The following CRACR2A variants were observed in gnomAD, a reference collection of about 807,000 sequenced individuals.
CRACR2A encodes calcium release activated channel regulator 2A, also known as EF-hand calcium-binding domain-containing protein 4B.
A neutral mutation model predicts 90.5 loss-of-function variants in CRACR2A; 79 were observed. The ratio of observed to expected loss-of-function variants is 0.87; its 90% CI spans 0.73 to 1.05. CRACR2A has a LOEUF of 1.05. Among genes scored for constraint, CRACR2A ranks in the 50% least tolerant of loss-of-function variants. CRACR2A has a pLI of 0.00. For synonymous variants in CRACR2A, 338 were observed against 356.7 expected (o/e 0.95, Z 0.59); for missense variants, 823 against 897.2 (o/e 0.92, Z 1.06).
intron 7 of CRACR2A, among the ~76,000 whole-genome samples, chr12:3,668,606 T>C (rs1414719120): frequency 1.3e-5 from 2 of 152,172 alleles, no homozygotes; most frequent in East Asian, 1.9e-4. Flanking sequence ...GCCAGTGACA[T>C]GATGACATCT....
rs1945290204 is a variant in CRACR2A, at chr12:3,673,572, A to G, written c.545T>C (p.Leu182Pro). 6.2e-7 allele frequency: 1 copy of G among 1,613,564 alleles called. No individual in the cohort carries two copies. The highest frequency in any genetic ancestry group is 8.5e-7 in the Non-Finnish European group (1 of 1,179,990). ...TTCCTCCTTCTTCAGCTGCAACCAG[A>G]GCTGCTTGACATCACTTTCACTGCA... Reference protein sequence around the residue: ...VLEDESDVKQLWLQLKKEEPH... With the variant: ...VLEDESDVKQPWLQLKKEEPH... Residue 182 changes from leucine (L) to proline (P), a missense_variant, in exon 7 of 20, where the codon CTC becomes CCC. Physicochemically the swap from Leu to Pro is moderately conservative, Grantham distance 98. Transcript: ENST00000440314.
intron 15 of CRACR2A, among the ~76,000 whole-genome samples, chr12:3,632,522 C>T (rs146161685): frequency 3.7e-4 from 57 of 152,302 alleles, no homozygotes; most frequent in African/African-American, 1.3e-3. Context: ...TCTGCACCAA[C>T]CTCTGCCCAC....
chr12:3,681,605 C>T (rs1945453929), intron 4 of CRACR2A, among the ~76,000 whole-genome samples: 1 of 152,244 alleles, frequency 6.6e-6, no homozygotes. Context: ...CGATCCTCTC[C>T]CTTCCTCCCA....
Position 3,643,396 on chromosome 12 carries a change from T to C in CRACR2A, c.1164+1199A>G, listed in dbSNP as rs543482291. Among the ~76,000 whole-genome samples, 20 of 152,270 alleles carry C rather than the reference T, an allele frequency of 1.3e-4. No homozygotes were observed. In the South Asian group the frequency reaches 3.9e-3, roughly 30 times the overall value. ...TCCAAGAATCTTTCTCAAAGATTCC[T>C]GTTGTATGGAGGGGGGATGGGAATT... On this transcript the variant is annotated intron_variant, in intron 12 of 19. Coordinates refer to ENST00000440314, the MANE Select transcript of CRACR2A (RefSeq NM_001144958.2).
At chr12:3,636,953 G>C (rs1944464700) in intron 14 of CRACR2A, among the ~76,000 whole-genome samples, 1 of 152,234 alleles carries the variant, frequency 6.6e-6, no homozygotes, top group African/African-American at 2.4e-5. Context: ...GCAGGGCGGA[G>C]CCTCTTTCAC....
rs1302357105 is a variant in CRACR2A at position 3,644,756 on chromosome 12, G to C, written c.1119-116C>G. The C allele has an allele frequency of 4.5e-6, 4 of 890,000 alleles. No individual in the cohort carries two copies. The African/African-American group carries it at 6.6e-5, about 15-fold the overall frequency. The allele number at this position is 890,000 out of a possible 1,614,324, so 55.1% of individuals were successfully genotyped here. A position where few individuals can be genotyped will look rare whatever the true frequency, so the allele number is the denominator to read the frequency against. Reference sequence around the variant, plus strand: ...GGAAGGTGTGGTATGGAAGACAGGGGAGTCTGTGGAATCTCCTTCCATAGG... The same window carrying C: ...GGAAGGTGTGGTATGGAAGACAGGGCAGTCTGTGGAATCTCCTTCCATAGG... On this transcript the variant is annotated intron_variant, in intron 11 of 19. Transcript: ENST00000440314.
rs1324384758 is a variant in CRACR2A, at chr12:3,660,864, ACACACACACACACACACACACAC to A, written c.672-1233_672-1211del. Among the ~76,000 whole-genome samples, 7 of 146,544 alleles carry A rather than the reference ACACACACACACACACACACACAC, an allele frequency of 4.8e-5. No homozygotes were observed. In the East Asian group the frequency reaches 1.7e-3, roughly 35 times the overall value. On this transcript the variant is annotated intron_variant, in intron 7 of 19. Coordinates refer to ENST00000440314, the MANE Select transcript of CRACR2A (RefSeq NM_001144958.2). ...CACACACACACACACACACACACAC[ACACACACACACACACACACACAC>A]AATTTTGGCCCCTGCCATTCTAACT...
intron 1 of CRACR2A, among the ~76,000 whole-genome samples, chr12:3,743,194 G>A (rs1808285): frequency 0.2 from 29,964 of 152,162 alleles, 3,477 homozygotes; most frequent in Admixed American, 0.28. Context: ...AGTTTGCGAT[G>A]TGTGACTACG....
intron 6 of CRACR2A, among the ~76,000 whole-genome samples, chr12:3,674,187 C>T (rs1945302363): frequency 4.6e-5 from 7 of 152,222 alleles, no homozygotes; most frequent in Admixed American, 4.6e-4. Flanking sequence ...GCAATTGTCA[C>T]TGCAGGAAGG....
At chr12:3,670,897 A>C (rs1945228336) in intron 7 of CRACR2A, among the ~76,000 whole-genome samples, 1 of 152,174 alleles carries the variant, frequency 6.6e-6, no homozygotes, top group Admixed American at 6.5e-5. Flanking sequence ...GTTCCCTAGC[A>C]GGGAGTGGGC....
Position 3,638,172 on chromosome 12 carries a change from G to A in CRACR2A, c.1554C>T (p.Thr518=). ...QIPEAPPLKL[T]PTSPRGQPVG... ...CAGGCTGCCCTCGGGGGGATGTGGG[G>A]GTGAGTTTCAAGGGTGGGGCCTCCG... Residue 518 remains threonine (T), a synonymous_variant, in exon 14 of 20, where the codon ACC becomes ACT. Transcript: ENST00000440314. 4 of 1,550,438 alleles carry A rather than the reference G, an allele frequency of 2.6e-6. No homozygotes were observed. Among genetic ancestry groups the A allele is most frequent in the Non-Finnish European group, 3.5e-6 (4 of 1,146,008 alleles).
At chr12:3,664,667 C>T (rs1403344411) in intron 7 of CRACR2A, among the ~76,000 whole-genome samples, 1 of 152,174 alleles carries the variant, frequency 6.6e-6, no homozygotes, top group East Asian at 1.9e-4. Context: ...TAATTAGTGA[C>T]ATGTAGGCAT....
chr12:3,626,766 A>T (rs1036644819), intron 17 of CRACR2A, among the ~76,000 whole-genome samples: 1 of 152,190 alleles, frequency 6.6e-6, no homozygotes, highest in Admixed American at 6.6e-5. Flanking sequence ...TGGAAACACT[A>T]ATGAAAAAAG....
chr12:3,700,453 C>T (rs1377759303), intron 3 of CRACR2A, among the ~76,000 whole-genome samples: 1 of 152,026 alleles, frequency 6.6e-6, no homozygotes, highest in Non-Finnish European at 1.5e-5. Flanking sequence ...TGAGGAAACC[C>T]AACTATATCC....
chr12:3,740,664 T>C (rs777101808), intron 1 of CRACR2A, among the ~76,000 whole-genome samples: 3 of 152,204 alleles, frequency 2.0e-5, no homozygotes, highest in Non-Finnish European at 4.4e-5. Flanking sequence ...AGTCTGTGGG[T>C]TGCTGTGTGA....
At chr12:3,650,434 GA>G in intron 10 of CRACR2A, among the ~76,000 whole-genome samples, 1 of 152,130 alleles carries the variant, frequency 6.6e-6, no homozygotes, top group Non-Finnish European at 1.5e-5. Context: ...CTCCTGCAGA[GA>G]TGCAAATTCC....
intron 15 of CRACR2A, among the ~76,000 whole-genome samples, chr12:3,628,823 A>G (rs1365296973): frequency 2.0e-5 from 3 of 152,150 alleles, no homozygotes; most frequent in Non-Finnish European, 4.4e-5. Flanking sequence ...GACAGAAGAG[A>G]CCAAACAGAT....
intron 3 of CRACR2A, 94 bp from the exon 4 acceptor site, chr12:3,697,129 T>A: frequency 7.2e-7 from 1 of 1,398,358 alleles, no homozygotes; most frequent in Non-Finnish European, 9.4e-7. Flanking sequence ...CACAGAGCCA[T>A]ACACCAGTGT....
At chr12:3,652,168 ATCC>A (rs144264021) in intron 10 of CRACR2A, among the ~76,000 whole-genome samples, 2,663 of 151,952 alleles carry the variant, frequency 0.018, 77 homozygotes, top group African/African-American at 0.06. Context: ...AAAGCTTTGA[ATCC>A]TCATGCTGTG....
Sources: gnomAD v4.1 joint callset for allele counts (sites outside exome capture counted in the v4.1 genomes callset) on GRCh38, gnomAD v4.1.1 for gene constraint, MANE v1.5 for transcripts, NCBI Gene and HGNC (gene_info 2026-07-23, HGNC 2026-07-21) for gene names.